GPC5: variants seen among roughly 807,000 people sequenced by gnomAD.
The protein encoded by GPC5 is glypican-5.
GPC5 carries 47 observed loss-of-function variants against 53.9 expected under a neutral mutation model. That is an observed-to-expected ratio of 0.87 (90% CI 0.69 to 1.11). The LOEUF (loss-of-function observed/expected upper bound fraction) is 1.11, where lower values mean the gene tolerates loss of function less well. Among genes scored for constraint, GPC5 ranks in the 50% most tolerant of loss-of-function variants. The probability of loss-of-function intolerance (pLI) is 0.00; values close to 1 mark genes in which losing one functional copy is unlikely to be tolerated. For missense variants in GPC5, 748 were observed against 713.1 expected, an observed-to-expected ratio of 1.05 and a Z score of -0.56; for synonymous variants, 286 against 263.3, an observed-to-expected ratio of 1.09 and a Z score of -0.84.
intron 6 of GPC5, among the ~76,000 whole-genome samples, chr13:92,003,225 G>T (rs1049198504): frequency 5.3e-5 from 8 of 151,560 alleles, no homozygotes; most frequent in Non-Finnish European, 1.0e-4. Flanking sequence ...GGAGACTGAG[G>T]CAGGAGAATA....
intron 6 of GPC5, among the ~76,000 whole-genome samples, chr13:91,974,132 G>A (rs187899526): frequency 4.3e-4 from 65 of 152,212 alleles, no homozygotes; most frequent in African/African-American, 1.6e-3. Context: ...TGGGCTCAGA[G>A]CTATCTATGA....
At chr13:92,528,167 CA>C (rs1881432310) in intron 7 of GPC5, among the ~76,000 whole-genome samples, 1 of 152,040 alleles carries the variant, frequency 6.6e-6, no homozygotes, top group African/African-American at 2.4e-5. Flanking sequence ...TGAGCTTCTG[CA>C]AAAACTGTAA....
chr13:92,251,734 A>G (rs192050868), intron 7 of GPC5, among the ~76,000 whole-genome samples: 81 of 152,250 alleles, frequency 5.3e-4, no homozygotes, highest in Non-Finnish European at 7.4e-5. Flanking sequence ...TGGGAAGAAT[A>G]AAGCCGGATT....
intron 2 of GPC5, among the ~76,000 whole-genome samples, chr13:91,498,366 G>A (rs549457940): frequency 1.3e-4 from 20 of 150,870 alleles, no homozygotes; most frequent in Middle Eastern, 3.4e-3. Context: ...TTTGTTGACC[G>A]ACTGAGTGAA....
At chr13:92,751,722 T>A (rs1889406602) in intron 7 of GPC5, among the ~76,000 whole-genome samples, 1 of 150,772 alleles carries the variant, frequency 6.6e-6, no homozygotes. Context: ...GTTGTGCACA[T>A]GTACCCTAGA....
intron 7 of GPC5, among the ~76,000 whole-genome samples, chr13:92,581,470 T>C (rs1321239282): frequency 1.3e-5 from 2 of 152,212 alleles, no homozygotes; most frequent in African/African-American, 2.4e-5. Flanking sequence ...CATTCATCCA[T>C]TGATGAACAC....
At chr13:91,782,883 AAAGC>A (rs1379348270) in intron 5 of GPC5, among the ~76,000 whole-genome samples, 1 of 150,614 alleles carries the variant, frequency 6.6e-6, no homozygotes, top group Non-Finnish European at 1.5e-5. Flanking sequence ...TTTCTTAAGG[AAAGC>A]ATCACACAGA....
chr13:92,426,311 C>G, intron 7 of GPC5, among the ~76,000 whole-genome samples: 1 of 152,076 alleles, frequency 6.6e-6, no homozygotes, highest in Non-Finnish European at 1.5e-5. Context: ...CATTCTTACC[C>G]TTTCTACAGC....
chr13:92,679,185 T>A (rs1271763883), intron 7 of GPC5, among the ~76,000 whole-genome samples: 1 of 152,168 alleles, frequency 6.6e-6, no homozygotes, highest in East Asian at 1.9e-4. Flanking sequence ...TAGTTTAGTG[T>A]ATTTCCACAT....
intron 7 of GPC5, among the ~76,000 whole-genome samples, chr13:92,331,768 C>CA (rs2043289726): frequency 1.3e-5 from 2 of 151,610 alleles, no homozygotes; most frequent in Non-Finnish European, 2.9e-5. Context: ...TTTTTCTCAA[C>CA]AAAAAAGCAG....
At chr13:91,650,575 A>AATTTCC (rs1156342596) in intron 2 of GPC5, among the ~76,000 whole-genome samples, 2 of 152,086 alleles carry the variant, frequency 1.3e-5, no homozygotes, top group Non-Finnish European at 2.9e-5. Flanking sequence ...AGAAAAGTAA[A>AATTTCC]ATTTCCTGGA....
intron 2 of GPC5, among the ~76,000 whole-genome samples, chr13:91,675,657 G>A (rs867747351): frequency 3.3e-5 from 5 of 152,170 alleles, no homozygotes; most frequent in Admixed American, 2.0e-4. Flanking sequence ...TTGGATTAAG[G>A]AGACTTCCTG....
At chr13:92,240,239 G>T (rs1033895616) in intron 7 of GPC5, 2 of 150,152 alleles carry the variant, frequency 1.3e-5, no homozygotes, top group South Asian at 2.1e-4. Context: ...AATATGAACC[G>T]TTTTTTCTCT....
At chr13:91,961,197 A>C (rs531935868) in intron 6 of GPC5, among the ~76,000 whole-genome samples, 1 of 152,106 alleles carries the variant, frequency 6.6e-6, no homozygotes, top group African/African-American at 2.4e-5. Flanking sequence ...GTAACTAAAC[A>C]AGTAAATACT....
At chr13:92,780,408 A>T in intron 7 of GPC5, among the ~76,000 whole-genome samples, 1 of 149,472 alleles carries the variant, frequency 6.7e-6, no homozygotes, top group African/African-American at 2.4e-5. Context: ...AATATAATTA[A>T]GTGTAATTTA....
chr13:92,395,954 T>G (rs1875251479), intron 7 of GPC5, among the ~76,000 whole-genome samples: 1 of 151,754 alleles, frequency 6.6e-6, no homozygotes, highest in Admixed American at 6.6e-5. Flanking sequence ...TTTTGGTATT[T>G]ATCCTGTTGG....
chr13:92,119,075 A>G (rs2041623588), intron 6 of GPC5, among the ~76,000 whole-genome samples: 2 of 152,138 alleles, frequency 1.3e-5, no homozygotes, highest in African/African-American at 4.8e-5. Context: ...GGTTTAACTG[A>G]CTCATAGTTC....
At chr13:92,410,449 A>G (rs1450862817) in intron 7 of GPC5, among the ~76,000 whole-genome samples, 1 of 152,218 alleles carries the variant, frequency 6.6e-6, no homozygotes, top group Non-Finnish European at 1.5e-5. Context: ...CTGTTCACTC[A>G]TTTGAGGACA....
chr13:91,730,505 G>A (rs946585519), intron 4 of GPC5, among the ~76,000 whole-genome samples: 4 of 152,110 alleles, frequency 2.6e-5, no homozygotes, highest in Non-Finnish European at 5.9e-5. Flanking sequence ...GTTCTTCACG[G>A]CAATCTCAGG....
Sources: allele counts gnomAD v4.1 joint callset (sites outside exome capture counted in the v4.1 genomes callset), GRCh38; gene constraint gnomAD v4.1.1; transcripts MANE v1.5; gene names NCBI Gene and HGNC (gene_info 2026-07-23, HGNC 2026-07-21).